Variants in VPS45 observed in about 807,000 individuals in gnomAD.
VPS45 encodes vacuolar protein sorting-associated protein 45.
A neutral mutation model predicts 75.9 loss-of-function variants in VPS45; 35 were observed. The observed-to-expected ratio is 0.46, with a 90% CI of 0.35 to 0.61. The LOEUF (loss-of-function observed/expected upper bound fraction) is 0.61, where lower values mean the gene tolerates loss of function less well. Among genes scored for constraint, VPS45 ranks in the 20% least tolerant of loss-of-function variants. The pLI is 0.00. For missense variants in VPS45, 559 were observed against 685.9 expected (o/e 0.81, Z 2.07); for synonymous variants, 220 against 238.2 (o/e 0.92, Z 0.70).
chr1:150,099,042 T>G, intron 13 of VPS45: 1 of 1,101,388 alleles, frequency 9.1e-7, no homozygotes, highest in Non-Finnish European at 1.1e-6. Flanking sequence ...TCATTGGCCT[T>G]TTTTCCTGCA....
intron 13 of VPS45, among the ~76,000 whole-genome samples, chr1:150,108,956 T>C (rs587685026): frequency 4.6e-5 from 7 of 152,262 alleles, no homozygotes; most frequent in African/African-American, 1.4e-4. Context: ...CTTATCGTAA[T>C]TGACACTTTA....
intron 8 of VPS45, 24 bp downstream of exon 8, chr1:150,081,500 ATTGTCTTTAG>A (rs782773608): frequency 6.3e-7 from 1 of 1,591,372 alleles, no homozygotes; most frequent in Admixed American, 1.9e-5. Flanking sequence ...ATTTTTTTAA[ATTGTCTTTAG>A]TTGTTTTTAT....
chr1:150,094,276 T>TC (rs1656503750), intron 13 of VPS45, among the ~76,000 whole-genome samples: 1 of 151,782 alleles, frequency 6.6e-6, no homozygotes, highest in Non-Finnish European at 1.5e-5. Flanking sequence ...TATATTTTTT[T>TC]TGTTGGAACA....
chr1:150,130,973 T>G (rs782214980), intron 14 of VPS45, among the ~76,000 whole-genome samples: 5 of 152,122 alleles, frequency 3.3e-5, no homozygotes, highest in Admixed American at 1.3e-4. Flanking sequence ...TTGCTTTAAG[T>G]CATATAGCAG....
chr1:150,101,478 GTA>G (rs2101588144), intron 13 of VPS45, among the ~76,000 whole-genome samples: 1 of 152,176 alleles, frequency 6.6e-6, no homozygotes, highest in East Asian at 1.9e-4. Context: ...GTTCACGCCT[GTA>G]ATCCCAGCAC....
At chr1:150,085,624 G>C (rs1366024562) in intron 10 of VPS45, among the ~76,000 whole-genome samples, 2 of 152,010 alleles carry the variant, frequency 1.3e-5, no homozygotes, top group Non-Finnish European at 2.9e-5. Context: ...CTGACTTCTA[G>C]AGGGGTTATA....
At chr1:150,099,022 C>T in intron 13 of VPS45, 1 of 1,097,366 alleles carries the variant, frequency 9.1e-7, no homozygotes. Flanking sequence ...TGTGAAGCAG[C>T]AGTCCTTTTT....
chr1:150,124,013 A>G (rs1658373488), intron 14 of VPS45, among the ~76,000 whole-genome samples: 1 of 152,188 alleles, frequency 6.6e-6, no homozygotes, highest in Non-Finnish European at 1.5e-5. Flanking sequence ...ATAGTACTAG[A>G]TCCAACTAAG....
chr1:150,104,794 A>G (rs1657229928), intron 13 of VPS45, among the ~76,000 whole-genome samples: 1 of 152,088 alleles, frequency 6.6e-6, no homozygotes, highest in Admixed American at 6.6e-5. Flanking sequence ...GGGTCTCACA[A>G]TGTTGCCAGG....
chr1:150,093,572 A>T lies in VPS45; in HGVS notation c.1417A>T (p.Thr473Ser). 4 of 1,613,908 alleles carry T rather than the reference A, an allele frequency of 2.5e-6. No homozygotes were observed. In the Middle Eastern group the frequency reaches 6.6e-4, roughly 266 times the overall value. Residue 473 changes from threonine to serine, a missense_variant, in exon 13 of 15, where the codon ACC (threonine) becomes TCC (serine). By Grantham distance (58) the Thr-to-Ser change is moderately conservative. Coordinates refer to ENST00000644510, the MANE Select transcript of VPS45 (RefSeq NM_007259.5). ...YTQHQPFLHE[T>S]LDHLIKGRLK... The stretch of plus-strand genomic sequence containing the variant: ...ACAGCATCAACCTTTCCTACATGAA[A>T]CCCTGGATCATCTCATCAAAGGAAG...
chr1:150,092,293 T>A lies in VPS45; in HGVS notation c.1264-9T>A. The A allele has an allele frequency of 6.2e-7, 1 of 1,612,744 alleles. No homozygotes were observed. On this transcript the variant is annotated splice_polypyrimidine_tract_variant and intron_variant, in intron 11 of 14. Transcript: ENST00000644510. ...TAAGCAATCAAAATTTGCTTCTCTT[T>A]CTTAATAGCTCGTGTCTGCAGTTGT...
intron 3 of VPS45, among the ~76,000 whole-genome samples, chr1:150,073,496 C>A (rs1411949603): frequency 6.6e-6 from 1 of 151,882 alleles, no homozygotes; most frequent in African/African-American, 2.4e-5. Context: ...TGCACGACGC[C>A]CCAAGAGGTA....
chr1:150,077,622 T>C, intron 6 of VPS45, 47 bp from the exon 7 acceptor site: 1 of 1,275,640 alleles, frequency 7.8e-7, no homozygotes, highest in Non-Finnish European at 1.1e-6. Flanking sequence ...ATCATTTCTA[T>C]ATGTAACTAG....
chr1:150,098,049 A>G (rs1403479638), intron 13 of VPS45, among the ~76,000 whole-genome samples: 2 of 152,080 alleles, frequency 1.3e-5, no homozygotes, highest in African/African-American at 2.4e-5. Context: ...AGGTTTTGCT[A>G]TGTTGCCTAG....
At chr1:150,143,099 C>T (rs1398813599) in intron 14 of VPS45, among the ~76,000 whole-genome samples, 2 of 152,304 alleles carry the variant, frequency 1.3e-5, no homozygotes, top group African/African-American at 4.8e-5. Context: ...TCCCAAGAAG[C>T]TCACAGTCTG....
At chr1:150,078,296 G>T (rs1448103033) in intron 7 of VPS45, among the ~76,000 whole-genome samples, 1 of 152,160 alleles carries the variant, frequency 6.6e-6, no homozygotes, top group Non-Finnish European at 1.5e-5. Flanking sequence ...GCATCCAAGA[G>T]CCTTCACAAT....
At position 150,068,712 on chromosome 1, in the gene VPS45, A is replaced by G; in HGVS notation, c.176A>G (p.Asn59Ser). The stretch of plus-strand genomic sequence containing the variant: ...CTCTTTGAACGCATTGATTCTCAAA[A>G]TCGAGAGATCATGAAACACCTGAAG... ...VYLFERIDSQ[N>S]REIMKHLKAI... The change falls in exon 2 of 15, where the codon AAT becomes AGT. Residue 59 changes from asparagine (N) to serine (S), a missense_variant. Physicochemically the swap from Asn to Ser is conservative, Grantham distance 46. Coordinates refer to ENST00000644510, the MANE Select transcript of VPS45 (RefSeq NM_007259.5). 1 of 1,613,434 alleles carries G rather than the reference A, an allele frequency of 6.2e-7. No homozygotes were observed. Among genetic ancestry groups the G allele is most frequent in the Non-Finnish European group, 8.5e-7 (1 of 1,179,686 alleles).
At chr1:150,069,130 T>C (rs587642940) in intron 2 of VPS45, among the ~76,000 whole-genome samples, 81 of 152,342 alleles carry the variant, frequency 5.3e-4, no homozygotes, top group Middle Eastern at 3.4e-3. Flanking sequence ...GCCACTTTAT[T>C]CACATTTATG....
chr1:150,087,441 T>G (rs1014721666), intron 10 of VPS45, among the ~76,000 whole-genome samples: 3 of 152,196 alleles, frequency 2.0e-5, no homozygotes, highest in African/African-American at 7.2e-5. Flanking sequence ...AACCAAAAAA[T>G]TATGTAATTC....
Sources: allele counts gnomAD v4.1 joint callset (sites outside exome capture counted in the v4.1 genomes callset), GRCh38; gene constraint gnomAD v4.1.1; transcripts MANE v1.5; gene names NCBI Gene and HGNC (gene_info 2026-07-23, HGNC 2026-07-21).